PHF21A: variants seen among roughly 807,000 people sequenced by gnomAD.
PHF21A encodes the protein BHC80a.
PHF21A carries 11 observed loss-of-function variants against 82.5 expected under a neutral mutation model. The ratio of observed to expected loss-of-function variants is 0.13; its 90% confidence interval spans 0.08 to 0.22. The LOEUF (loss-of-function observed/expected upper bound fraction) is 0.22. Ranked by LOEUF, PHF21A falls within the 10% of genes least tolerant of loss-of-function variation. The pLI is 1.00. For missense variants in PHF21A, 579 were observed against 837.8 expected (o/e 0.69, Z 3.81); for synonymous variants, 297 against 302.8 (o/e 0.98, Z 0.20).
At chr11:45,942,966 T>C (rs2135298716) in intron 15 of PHF21A, among the ~76,000 whole-genome samples, 1 of 152,290 alleles carries the variant, frequency 6.6e-6, no homozygotes, top group South Asian at 2.1e-4. Flanking sequence ...TTCATCTTTC[T>C]AGTCAGTTAG....
At chr11:46,089,860 C>T (rs551550358) in intron 3 of PHF21A, among the ~76,000 whole-genome samples, 1 of 151,578 alleles carries the variant, frequency 6.6e-6, no homozygotes, top group South Asian at 2.1e-4. Context: ...CAGGTCATAC[C>T]TCCACTGCAA....
At position 45,953,622 on chromosome 11, in the gene PHF21A, C is replaced by T; in HGVS notation, c.1000G>A (p.Val334Ile). Residue 334 changes from valine to isoleucine, a missense_variant, in exon 11 of 19, where the codon GTT (valine) becomes ATT (isoleucine). Coordinates refer to ENST00000676320, the MANE Select transcript of PHF21A (RefSeq NM_001352027.3). ...TCATCTGTTTCTGTGTGAGATTTAA[C>T]TGTCTAGGAGAGAAAAATTAAATAA... is the stretch of plus-strand genomic sequence containing the variant. ...LSKPSLEKQTVKSHTETDEKQ... is the reference protein window; with the variant it reads ...LSKPSLEKQTIKSHTETDEKQ... 6.2e-7 allele frequency: 1 copy of T among 1,604,068 alleles called. No individual in the cohort carries two copies. Among genetic ancestry groups the T allele is most frequent in the East Asian group, 2.2e-5 (1 of 44,730 alleles).
intron 6 of PHF21A, among the ~76,000 whole-genome samples, chr11:46,074,832 A>C (rs960461028): frequency 6.6e-6 from 1 of 152,212 alleles, no homozygotes; most frequent in Non-Finnish European, 1.5e-5. Context: ...AAAGAGTAAT[A>C]TCACATGTTG....
At chr11:45,949,215 G>C (rs2091762327) in intron 13 of PHF21A, among the ~76,000 whole-genome samples, 187 bp downstream of exon 13, 1 of 152,046 alleles carries the variant, frequency 6.6e-6, no homozygotes, top group African/African-American at 2.4e-5. Context: ...CTGAAACTTA[G>C]GAAAAAAACC....
intron 8 of PHF21A, 72 bp from the exon 9 acceptor site, chr11:45,969,976 A>C (rs1159747210): frequency 1.9e-5 from 18 of 967,530 alleles, no homozygotes; most frequent in Non-Finnish European, 2.3e-5. Flanking sequence ...TATTTTTAGC[A>C]TCACTATTCT....
intron 6 of PHF21A, among the ~76,000 whole-genome samples, chr11:46,067,401 C>T (rs1473149772): frequency 6.6e-6 from 1 of 152,102 alleles, no homozygotes; most frequent in African/African-American, 2.4e-5. Flanking sequence ...GCAGAAGAGA[C>T]TTGTTTCTAG....
chr11:46,093,302 T>C lies in PHF21A; in HGVS notation c.-236-1079A>G, dbSNP rs562612586. 6.6e-5 allele frequency among the ~76,000 whole-genome samples: 10 copies of C among 152,348 alleles called. No homozygotes were observed. The South Asian group carries it at 2.1e-3, about 32-fold the overall frequency. On this transcript the variant is annotated intron_variant, in intron 1 of 18. Transcript: ENST00000676320. ...AAATATGGTGTTTGTTGACTGATAT[T>C]ACTCCAATAGTGTCTCATTGCCTCA...
At chr11:46,096,950 AC>A (rs1457103870) in intron 1 of PHF21A, among the ~76,000 whole-genome samples, 1 of 151,830 alleles carries the variant, frequency 6.6e-6, no homozygotes, top group African/African-American at 2.4e-5. Context: ...TGGTAACTCC[AC>A]CCCCTCAGAA....
At chr11:46,081,911 T>A (rs1470025909) in intron 4 of PHF21A, among the ~76,000 whole-genome samples, 1 of 152,180 alleles carries the variant, frequency 6.6e-6, no homozygotes, top group Non-Finnish European at 1.5e-5. Context: ...GCCAGAAATA[T>A]TTTACTGTGT....
Position 45,945,910 on chromosome 11 carries a change from T to C in PHF21A, c.1382A>G (p.Lys461Arg), listed in dbSNP as rs780516520. 6.2e-7 allele frequency: 1 copy of C among 1,612,736 alleles called. No individual in the cohort carries two copies. Among genetic ancestry groups the C allele is most frequent in the East Asian group, 2.2e-5 (1 of 44,856 alleles). Residue 461 changes from lysine to arginine, a missense_variant, in exon 15 of 19, where the codon AAG becomes AGG. Physicochemically the swap from Lys to Arg is conservative, Grantham distance 26. Transcript: ENST00000676320. The stretch of plus-strand genomic sequence containing the variant: ...AGGGAAAGTGAATGTGGTCTCTGTC[T>C]TTTCATTTTCAGGGGAGTCAGGATG... Reference protein sequence around the residue: ...SSHPDSPENEKTETTFTFPAP... With the variant: ...SSHPDSPENERTETTFTFPAP...
At chr11:46,062,388 C>T (rs1284600406) in intron 6 of PHF21A, among the ~76,000 whole-genome samples, 1 of 152,124 alleles carries the variant, frequency 6.6e-6, no homozygotes, top group African/African-American at 2.4e-5. Context: ...ATTCTACTGT[C>T]TATCCCCCTT....
chr11:46,103,127 A>T (rs2097115935), intron 1 of PHF21A, among the ~76,000 whole-genome samples: 1 of 152,214 alleles, frequency 6.6e-6, no homozygotes. Flanking sequence ...ACCACTTTTT[A>T]CAAATTAAGC....
At chr11:45,971,404 T>C in intron 7 of PHF21A, 37 bp from the exon 8 acceptor site, 2 of 1,571,816 alleles carry the variant, frequency 1.3e-6, no homozygotes, top group South Asian at 1.1e-5. Flanking sequence ...GGACACTAAA[T>C]CTAAACTAAA....
chr11:45,936,073 T>A lies in PHF21A; in HGVS notation c.1685-334A>T, dbSNP rs561663631. The stretch of plus-strand genomic sequence containing the variant: ...CAGGTGAATCACTTGAGCCCAGGAG[T>A]TTGAGACCAGCCTGGGTGACATGGC... On this transcript the variant is annotated intron_variant, in intron 17 of 18. Transcript: ENST00000676320. Among the ~76,000 whole-genome samples the A allele has an allele frequency of 2.0e-5, 3 of 151,604 alleles. No individual in the cohort carries two copies. In the East Asian group the frequency reaches 5.8e-4, roughly 29 times the overall value.
intron 9 of PHF21A, among the ~76,000 whole-genome samples, chr11:45,968,390 TCTAA>T (rs1362821187): frequency 3.3e-5 from 5 of 152,134 alleles, no homozygotes; most frequent in African/African-American, 7.2e-5. Flanking sequence ...CAACCTCAAC[TCTAA>T]CTAACTCTAG....
intron 6 of PHF21A, among the ~76,000 whole-genome samples, chr11:46,017,612 C>T (rs1490656893): frequency 6.6e-6 from 1 of 151,218 alleles, no homozygotes; most frequent in Non-Finnish European, 1.5e-5. Flanking sequence ...CTCATCTCCT[C>T]AAAAAAACCA....
chr11:45,993,940 T>C (rs1254327853), intron 6 of PHF21A, among the ~76,000 whole-genome samples: 1 of 152,040 alleles, frequency 6.6e-6, no homozygotes, highest in East Asian at 1.9e-4. Flanking sequence ...GCTGGGAACG[T>C]TCCTAAAGGG....
intron 6 of PHF21A, among the ~76,000 whole-genome samples, chr11:45,993,205 TTAC>T (rs1477053515): frequency 6.6e-6 from 1 of 152,240 alleles, no homozygotes; most frequent in African/African-American, 2.4e-5. Context: ...TTCAAGAATC[TTAC>T]TTTCTGAGTA....
intron 6 of PHF21A, among the ~76,000 whole-genome samples, chr11:46,037,254 C>T (rs941110471): frequency 5.9e-5 from 9 of 152,228 alleles, no homozygotes; most frequent in African/African-American, 2.2e-4. Flanking sequence ...CTTTCTTTGC[C>T]TTTCCTAAGT....
Sources: gnomAD v4.1 joint callset for allele counts (sites outside exome capture counted in the v4.1 genomes callset) on GRCh38, gnomAD v4.1.1 for gene constraint, MANE v1.5 for transcripts, NCBI Gene and HGNC (gene_info 2026-07-23, HGNC 2026-07-21) for gene names.